LRP5: variants seen among roughly 807,000 people sequenced by gnomAD.
The protein encoded by LRP5 is low-density lipoprotein receptor-related protein 5.
A neutral mutation model predicts 154.1 loss-of-function variants in LRP5; 62 were observed. The ratio of observed to expected loss-of-function variants is 0.40; its 90% CI spans 0.33 to 0.50. LRP5 has a LOEUF of 0.50. Ranked by LOEUF, LRP5 falls within the 20% of genes least tolerant of loss-of-function variation. The pLI is 0.55. For synonymous variants in LRP5, 966 were observed against 1,011.5 expected, an observed-to-expected ratio of 0.96 and a Z score of 0.85; for missense variants, 1,915 against 2,336.7, an observed-to-expected ratio of 0.82 and a Z score of 3.72.
At chr11:68,407,591 A>G (rs1341002969) in intron 9 of LRP5, among the ~76,000 whole-genome samples, 1 of 150,352 alleles carries the variant, frequency 6.7e-6, no homozygotes, top group Non-Finnish European at 1.5e-5. Flanking sequence ...CTGTAATCCC[A>G]GCACTTTGGG....
chr11:68,306,787 T>C, the LRP5 span, among the ~76,000 whole-genome samples: 1 of 152,346 alleles, frequency 6.6e-6, no homozygotes, highest in Non-Finnish European at 1.5e-5. Context: ...GCCCAGGGCA[T>C]TCTTTCCCAG....
At chr11:68,397,646 CCGT>C (rs5792438) in intron 7 of LRP5, among the ~76,000 whole-genome samples, 88,233 of 151,796 alleles carry the variant, frequency 0.58, 28,746 homozygotes, top group South Asian at 0.8. Flanking sequence ...GTTCCCATCA[CCGT>C]CGTCATCATC....
chr11:68,381,708 C>T (rs548515410), intron 5 of LRP5, among the ~76,000 whole-genome samples: 3 of 152,358 alleles, frequency 2.0e-5, no homozygotes, highest in African/African-American at 7.2e-5. Context: ...CATTTTACTT[C>T]CTTGGTGTTT....
At position 68,339,226 on chromosome 11, in the gene LRP5, A is replaced by C. The variant is rs548921810; in HGVS notation, c.92-8621A>C. On this transcript the variant is annotated intron_variant, in intron 1 of 22. Coordinates refer to ENST00000294304, the MANE Select transcript of LRP5 (RefSeq NM_002335.4). Reference sequence around the variant, plus strand: ...AGTCTCCTTCTGTCACACAGGCTGGAGCGCAGTGGCACAATCTCAGCTCAC... The same window carrying C: ...AGTCTCCTTCTGTCACACAGGCTGGCGCGCAGTGGCACAATCTCAGCTCAC... Among the ~76,000 whole-genome samples, 9 of 151,784 alleles carry C rather than the reference A, an allele frequency of 5.9e-5. No homozygotes were observed. In the South Asian group the frequency reaches 1.5e-3, roughly 25 times the overall value.
chr11:68,427,969 TA>T (rs2098669749), intron 16 of LRP5, among the ~76,000 whole-genome samples: 6 of 48,734 alleles, frequency 1.2e-4, no homozygotes, highest in Non-Finnish European at 3.4e-4. Flanking sequence ...TATTTTATTT[TA>T]TTTTTTTTAT....
chr11:68,385,543 C>T (rs1032077184), intron 5 of LRP5, among the ~76,000 whole-genome samples: 23 of 152,122 alleles, frequency 1.5e-4, no homozygotes, highest in Non-Finnish European at 2.5e-4. Context: ...TGGGTCTAGC[C>T]GTGACCAGAA....
intron 4 of LRP5, among the ~76,000 whole-genome samples, chr11:68,364,358 ATGTG>A (rs113821152): frequency 0.026 from 3,834 of 145,488 alleles, 118 homozygotes; most frequent in African/African-American, 0.078. Flanking sequence ...ATACATATAT[ATGTG>A]TGTGTGTGTG....
chr11:68,329,868 C>T (rs139438218), intron 1 of LRP5, among the ~76,000 whole-genome samples: 60 of 152,256 alleles, frequency 3.9e-4, no homozygotes, highest in African/African-American at 1.3e-3. Flanking sequence ...AGGCAGGAGG[C>T]GTGGAACCAA....
intron 5 of LRP5, among the ~76,000 whole-genome samples, chr11:68,374,167 G>A (rs569810383): frequency 1.3e-4 from 20 of 152,330 alleles, no homozygotes; most frequent in Admixed American, 3.9e-4. Context: ...GGCCACTGTC[G>A]AGTCTGACGG....
intron 16 of LRP5, 130 bp from the exon 17 acceptor site, chr11:68,429,445 C>A: frequency 9.2e-7 from 1 of 1,089,906 alleles, no homozygotes; most frequent in Non-Finnish European, 1.4e-6. Context: ...GTGGGAGGAT[C>A]CTCCCAGAGA....
intron 3 of LRP5, among the ~76,000 whole-genome samples, chr11:68,361,261 C>T (rs540630098): frequency 2.3e-4 from 34 of 149,774 alleles, no homozygotes; most frequent in Non-Finnish European, 4.3e-4. Flanking sequence ...GCTGAGATCC[C>T]GCCACTGCAC....
upstream of LRP5, chr11:68,312,535 G>A (rs2098588842): frequency 6.6e-6 from 1 of 152,020 alleles, no homozygotes; most frequent in Admixed American, 6.8e-5. Context: ...TGGCGGCGGC[G>A]GGGGGCGGAG....
chr11:68,423,575 G>A lies in LRP5; in HGVS notation c.3114G>A (p.Leu1038=). The A allele has an allele frequency of 5.0e-6, 8 of 1,614,242 alleles. No homozygotes were observed. Among genetic ancestry groups the A allele is most frequent in the Non-Finnish European group, 6.8e-6 (8 of 1,180,036 alleles). Residue 1038 remains leucine (L), a synonymous_variant, in exon 14 of 23, where the codon CTG becomes CTA. Coordinates refer to ENST00000294304, the MANE Select transcript of LRP5 (RefSeq NM_002335.4). This position sits in a 1 kb window ranked among gnomAD's most constrained non-coding sequence, Gnocchi z 4.7. ...DLSIDIYSRT[L]FWTCEATNTI... ...GCATCGACATCTACAGCCGGACACT[G>A]TTCTGGACGTGCGAGGCCACCAATA...
intron 14 of LRP5, among the ~76,000 whole-genome samples, chr11:68,424,275 G>T (rs575132962): frequency 6.6e-6 from 1 of 152,106 alleles, no homozygotes; most frequent in Non-Finnish European, 1.5e-5. Context: ...TAGCTGGGGG[G>T]CTGGCATGAA....
At chr11:68,380,942 A>T (rs762799671) in intron 5 of LRP5, among the ~76,000 whole-genome samples, 4 of 152,252 alleles carry the variant, frequency 2.6e-5, no homozygotes, top group Non-Finnish European at 5.9e-5. Context: ...GTCTAACCCC[A>T]GGAACCTGTG....
At chr11:68,432,289 G>T (rs1342402659) in intron 17 of LRP5, among the ~76,000 whole-genome samples, 2 of 152,224 alleles carry the variant, frequency 1.3e-5, no homozygotes, top group Non-Finnish European at 2.9e-5. Context: ...TCTCAGGTCT[G>T]CCCCATGTCG....
intron 13 of LRP5, among the ~76,000 whole-genome samples, chr11:68,420,467 G>A (rs1019372719): frequency 2.6e-5 from 4 of 152,268 alleles, no homozygotes; most frequent in East Asian, 1.9e-4. Flanking sequence ...CATTTTGGGA[G>A]TCCGAGGTGG....
chr11:68,437,823 G>A (rs56169611), intron 19 of LRP5, among the ~76,000 whole-genome samples: 13 of 152,388 alleles, frequency 8.5e-5, no homozygotes, highest in African/African-American at 2.2e-4. Flanking sequence ...GGCCTGTGCC[G>A]TGGGCCCCAG....
chr11:68,327,524 C>G (rs1468821758), intron 1 of LRP5, among the ~76,000 whole-genome samples: 1 of 152,198 alleles, frequency 6.6e-6, no homozygotes, highest in Non-Finnish European at 1.5e-5. Flanking sequence ...TTAACTCTTG[C>G]AGAAAGAACC....
Sources: gnomAD v4.1 joint callset for allele counts (sites outside exome capture counted in the v4.1 genomes callset) on GRCh38, gnomAD v4.1.1 for gene constraint, Gnocchi (gnomAD v3.1) non-coding constraint, MANE v1.5 for transcripts, NCBI Gene and HGNC (gene_info 2026-07-23, HGNC 2026-07-21) for gene names.